Variants in ABLIM3 observed in about 807,000 individuals in gnomAD.
The protein encoded by ABLIM3 is actin-binding LIM protein 3.
ABLIM3 carries 61 observed loss-of-function variants against 109.5 expected under a neutral mutation model. The observed-to-expected ratio is 0.56, with a 90% CI of 0.45 to 0.69. The LOEUF is 0.69. Ranked by LOEUF, ABLIM3 falls within the 30% of genes least tolerant of loss-of-function variation. The pLI, the probability that ABLIM3 is intolerant of heterozygous loss-of-function variation, is 0.00. For synonymous variants in ABLIM3, 300 were observed against 324.8 expected (o/e 0.92, Z 0.82); for missense variants, 796 against 889.5 (o/e 0.89, Z 1.34).
At chr5:149,250,750 G>A (rs1022118154) in intron 20 of ABLIM3, among the ~76,000 whole-genome samples, 3 of 152,152 alleles carry the variant, frequency 2.0e-5, no homozygotes, top group Non-Finnish European at 4.4e-5. Flanking sequence ...CAGGGACTCA[G>A]CTAAACACTT....
chr5:149,169,095 C>CT (rs1561547262), intron 2 of ABLIM3, among the ~76,000 whole-genome samples: 1 of 150,314 alleles, frequency 6.7e-6, no homozygotes, highest in East Asian at 2.0e-4. Flanking sequence ...ACCCCCCCAC[C>CT]CCCCGTCTCA....
chr5:149,154,655 A>G (rs1056711005), intron 2 of ABLIM3, among the ~76,000 whole-genome samples: 1 of 152,238 alleles, frequency 6.6e-6, no homozygotes, highest in Non-Finnish European at 1.5e-5. Context: ...ATTTGCTCTC[A>G]CTATTCTTCA....
At chr5:149,179,300 TTGTTTG>T (rs1270277675) in intron 2 of ABLIM3, among the ~76,000 whole-genome samples, 7 of 52,008 alleles carry the variant, frequency 1.3e-4, no homozygotes, top group Non-Finnish European at 2.6e-4. Context: ...AATAAGCTGT[TTGTTTG>T]TTTGTTTGTT....
chr5:149,242,611 T>C, intron 15 of ABLIM3, 73 bp downstream of exon 15: 1 of 1,491,680 alleles, frequency 6.7e-7, no homozygotes, highest in Non-Finnish European at 9.4e-7. Context: ...CAGATGGCCC[T>C]GCACAGGCCA....
At chr5:149,228,420 A>G (rs1387537090) in intron 8 of ABLIM3, among the ~76,000 whole-genome samples, 2 of 152,196 alleles carry the variant, frequency 1.3e-5, no homozygotes, top group Non-Finnish European at 2.9e-5. Context: ...GAAAAAAAAT[A>G]CAAAGGTAGG....
At position 149,193,929 on chromosome 5, in the gene ABLIM3, T is replaced by C. The variant is rs1216926709; in HGVS notation, c.152-4290T>C. The stretch of plus-strand genomic sequence containing the variant: ...ACTGTATATCATTCCCTAAAGTCAA[T>C]TCCAGGTGGATTTGCTTTACTATGA... On this transcript the variant is annotated intron_variant, in intron 3 of 23. Coordinates refer to ENST00000309868, the MANE Select transcript of ABLIM3 (RefSeq NM_014945.5). Among the ~76,000 whole-genome samples, 7 of 152,194 alleles carry C rather than the reference T, an allele frequency of 4.6e-5. No individual in the cohort carries two copies. In the South Asian group the frequency reaches 8.3e-4, roughly 18 times the overall value.
chr5:149,183,709 A>G (rs1370268983), intron 3 of ABLIM3, 120 bp downstream of exon 3: 42 of 1,186,034 alleles, frequency 3.5e-5, no homozygotes, highest in Non-Finnish European at 4.5e-5. Context: ...AAAGACCTAA[A>G]GAGACTTTCC....
At chr5:149,240,550 G>A (rs115482820) in intron 13 of ABLIM3, 126 bp from the exon 14 acceptor site, 13,893 of 740,776 alleles carry the variant, frequency 0.019, 240 homozygotes, top group African/African-American at 0.062. Flanking sequence ...TGAGCACGCT[G>A]AGACGCCCCA....
intron 2 of ABLIM3, among the ~76,000 whole-genome samples, chr5:149,178,321 C>CTCA (rs1198859410): frequency 3.3e-5 from 5 of 152,190 alleles, no homozygotes; most frequent in African/African-American, 1.2e-4. Flanking sequence ...AGAGTGAAAG[C>CTCA]GGCTGCACCC....
chr5:149,144,559 T>G (rs1017960842), intron 2 of ABLIM3, among the ~76,000 whole-genome samples: 2 of 152,222 alleles, frequency 1.3e-5, no homozygotes, highest in African/African-American at 4.8e-5. Flanking sequence ...CACTTCTATT[T>G]ATTTAGTCCT....
intron 8 of ABLIM3, chr5:149,219,604 T>C (rs1760442031): frequency 2.0e-5 from 3 of 152,244 alleles, no homozygotes; most frequent in Admixed American, 1.3e-4. Flanking sequence ...ACTTTACCCC[T>C]GGGACCCAGG....
At position 149,184,576 on chromosome 5, in the gene ABLIM3, T is replaced by C. The variant is rs188577510; in HGVS notation, c.151+987T>C. On this transcript the variant is annotated intron_variant, in intron 3 of 23. Transcript: ENST00000309868. Reference sequence around the variant, plus strand: ...AGTCTTCCTCTTTGATCCATTCTAGTGTGTCACTGTCGTTCTTAAAGTATG... The same window carrying C: ...AGTCTTCCTCTTTGATCCATTCTAGCGTGTCACTGTCGTTCTTAAAGTATG... 6.2e-4 allele frequency among the ~76,000 whole-genome samples: 95 copies of C among 152,312 alleles called. 1 individual carries two copies. Among genetic ancestry groups the C allele is most frequent in the African/African-American group, 2.1e-3 (89 of 41,560 alleles).
At chr5:149,200,828 G>T (rs78346815) in intron 5 of ABLIM3, among the ~76,000 whole-genome samples, 2 of 152,132 alleles carry the variant, frequency 1.3e-5, no homozygotes, top group South Asian at 2.1e-4. Context: ...GTAGTATGGG[G>T]TGCCCTGGGA....
chr5:149,222,898 G>A (rs559792156), intron 8 of ABLIM3, among the ~76,000 whole-genome samples: 17 of 152,064 alleles, frequency 1.1e-4, no homozygotes, highest in Middle Eastern at 3.4e-3. Flanking sequence ...CTATAATTTC[G>A]TAGTTTAGCA....
intron 2 of ABLIM3, among the ~76,000 whole-genome samples, chr5:149,160,464 A>G (rs1480581697): frequency 6.7e-6 from 1 of 149,124 alleles, no homozygotes; most frequent in Admixed American, 6.7e-5. Context: ...TCCGTCTCAA[A>G]AAAAAAAAAA....
In ABLIM3 at chr5:149,181,606, C is replaced by G. The variant is rs181476242; in HGVS notation, c.14-1846C>G. On this transcript the variant is annotated intron_variant, in intron 2 of 23. Transcript: ENST00000309868. ...AGTGCTAAGCAATCAGCTCTTTGCT[C>G]TATAGCATCCTTGGGATTCAGGATA... Among the ~76,000 whole-genome samples, 155 of 152,298 alleles carry G rather than the reference C, an allele frequency of 1.0e-3. 1 individual carries two copies. Among genetic ancestry groups the G allele is most frequent in the African/African-American group, 3.4e-3 (141 of 41,580 alleles).
chr5:149,230,532 C>T (rs1193004675), intron 8 of ABLIM3, 117 bp from the exon 9 acceptor site: 2 of 1,105,508 alleles, frequency 1.8e-6, no homozygotes, highest in Non-Finnish European at 2.8e-6. Flanking sequence ...CAAGAGGGCC[C>T]TTCTGGCAGA....
chr5:149,226,383 G>A (rs1761284505), intron 8 of ABLIM3, among the ~76,000 whole-genome samples: 1 of 152,114 alleles, frequency 6.6e-6, no homozygotes, highest in Non-Finnish European at 1.5e-5. Context: ...TACTCGGGAG[G>A]CTGAGGCAGG....
intron 6 of ABLIM3, among the ~76,000 whole-genome samples, chr5:149,209,985 T>A (rs200685951): frequency 1.3e-5 from 2 of 151,716 alleles, no homozygotes; most frequent in East Asian, 3.9e-4. Context: ...AAAGAAATGT[T>A]TCTCCTCAGA....
Sources: allele counts gnomAD v4.1 joint callset (sites outside exome capture counted in the v4.1 genomes callset), GRCh38; gene constraint gnomAD v4.1.1; transcripts MANE v1.5; gene names NCBI Gene and HGNC (gene_info 2026-07-23, HGNC 2026-07-21).